The following CNTN5 variants were observed in gnomAD, a reference collection of about 807,000 sequenced individuals.
CNTN5 encodes contactin-5.
Under a neutral mutation model 129.1 loss-of-function variants are expected in CNTN5, and 77 were observed. The observed-to-expected ratio is 0.60, with a 90% CI of 0.50 to 0.72. The LOEUF (loss-of-function observed/expected upper bound fraction) is 0.72, where lower values mean the gene tolerates loss of function less well. CNTN5 is among the 30% of genes least tolerant of loss of function. The probability of loss-of-function intolerance (pLI) is 0.00; values close to 1 mark genes in which losing one functional copy is unlikely to be tolerated. For synonymous variants in CNTN5, 509 were observed against 465.6 expected, an observed-to-expected ratio of 1.09 and a Z score of -1.20; for missense variants, 1,478 against 1,328.8, an observed-to-expected ratio of 1.11 and a Z score of -1.75.
intron 1 of CNTN5, among the ~76,000 whole-genome samples, chr11:99,054,765 G>A (rs1052761000): frequency 1.3e-5 from 2 of 151,828 alleles, no homozygotes; most frequent in African/African-American, 4.8e-5. Context: ...AAGGGGTAGG[G>A]TATTCATAGG....
intron 15 of CNTN5, among the ~76,000 whole-genome samples, chr11:100,198,129 T>C (rs1188846331): frequency 6.6e-6 from 1 of 152,002 alleles, no homozygotes; most frequent in African/African-American, 2.4e-5. Context: ...ACTTCTTATG[T>C]GTTAAGCCTT....
intron 2 of CNTN5, among the ~76,000 whole-genome samples, chr11:99,335,468 A>G (rs1215955364): frequency 6.6e-6 from 1 of 151,972 alleles, no homozygotes; most frequent in Non-Finnish European, 1.5e-5. Context: ...TTAGGCATAC[A>G]ATGAAAATAG....
chr11:99,448,193 T>A (rs1444134549), intron 2 of CNTN5, among the ~76,000 whole-genome samples: 1 of 152,120 alleles, frequency 6.6e-6, no homozygotes. Context: ...AGTCATCCAT[T>A]GTTGGAAAAA....
intron 1 of CNTN5, among the ~76,000 whole-genome samples, chr11:99,217,993 T>C (rs1343165602): frequency 1.3e-5 from 2 of 152,210 alleles, no homozygotes; most frequent in Non-Finnish European, 1.5e-5. Context: ...CCTATTTCTT[T>C]GCTTCCTTTT....
intron 2 of CNTN5, among the ~76,000 whole-genome samples, chr11:99,403,059 T>G (rs558213292): frequency 8.0e-5 from 12 of 149,656 alleles, no homozygotes; most frequent in South Asian, 4.2e-4. Context: ...CAGGCTGGAG[T>G]GCAGTGGCGG....
rs1360005064 is a variant in CNTN5, at chr11:99,773,761, C to T, written c.56-45783C>T. On this transcript the variant is annotated intron_variant, in intron 3 of 24. Coordinates refer to ENST00000524871, the MANE Select transcript of CNTN5 (RefSeq NM_014361.4). Reference sequence around the variant, plus strand: ...TGAGTATGATTTTCCTTGTAAAACTCCTTAACTGATGACCCTGAGTCGACC... The same window carrying T: ...TGAGTATGATTTTCCTTGTAAAACTTCTTAACTGATGACCCTGAGTCGACC... Among the ~76,000 whole-genome samples the T allele has an allele frequency of 3.9e-5, 6 of 152,000 alleles. No individual in the cohort carries two copies. The East Asian group carries it at 1.2e-3, about 29-fold the overall frequency.
chr11:99,315,167 GTAGTTCACTGAGCATAAA>G (rs1865289644), intron 1 of CNTN5, among the ~76,000 whole-genome samples: 1 of 149,378 alleles, frequency 6.7e-6, no homozygotes, highest in South Asian at 2.1e-4. Context: ...GGTCTGGCTA[GTAGTTCACTGAGCATAAA>G]TAGTTCACTG....
intron 1 of CNTN5, among the ~76,000 whole-genome samples, chr11:99,263,950 G>T (rs1285963764): frequency 2.0e-5 from 3 of 152,140 alleles, no homozygotes; most frequent in Middle Eastern, 3.4e-3. Flanking sequence ...TCTTAACTCA[G>T]TTAATCAATA....
chr11:100,079,683 C>G (rs1454815374), intron 13 of CNTN5, among the ~76,000 whole-genome samples: 1 of 151,872 alleles, frequency 6.6e-6, no homozygotes, highest in Non-Finnish European at 1.5e-5. Context: ...TCCAGGTTTT[C>G]CCCCCATCAC....
chr11:100,009,611 T>C (rs1239750477), intron 9 of CNTN5, among the ~76,000 whole-genome samples: 1 of 151,970 alleles, frequency 6.6e-6, no homozygotes, highest in Admixed American at 6.6e-5. Flanking sequence ...AGAATTAGAT[T>C]GGGTGTAATG....
Position 99,405,528 on chromosome 11 carries a change from C to A in CNTN5, c.-71+80044C>A, listed in dbSNP as rs548646027. ...TCTTCAGTATGCCAATTGCATTTTT[C>A]ACCTACAGGATTTCTGCTTGATTTT... On this transcript the variant is annotated intron_variant, in intron 2 of 24. Coordinates refer to ENST00000524871, the MANE Select transcript of CNTN5 (RefSeq NM_014361.4). Among the ~76,000 whole-genome samples the A allele has an allele frequency of 2.6e-5, 4 of 151,972 alleles. No individual in the cohort carries two copies. The East Asian group carries it at 7.8e-4, about 30-fold the overall frequency.
intron 9 of CNTN5, among the ~76,000 whole-genome samples, chr11:100,003,276 A>T (rs1939991112): frequency 6.6e-6 from 1 of 152,166 alleles, no homozygotes; most frequent in African/African-American, 2.4e-5. Flanking sequence ...TGTAAAATGT[A>T]TCTAGGAGGT....
intron 6 of CNTN5, among the ~76,000 whole-genome samples, chr11:99,894,494 T>C (rs1370274179): frequency 9.8e-6 from 1 of 102,176 alleles, no homozygotes; most frequent in African/African-American, 3.6e-5. Context: ...ATTCCCAGTA[T>C]ATTATGACAG....
chr11:99,904,960 A>G (rs1338888763), intron 6 of CNTN5, among the ~76,000 whole-genome samples: 1 of 151,818 alleles, frequency 6.6e-6, no homozygotes, highest in Middle Eastern at 3.2e-3. Flanking sequence ...GTGTCTGTGC[A>G]TATCCTTCAC....
chr11:100,274,883 G>A (rs1305086746), intron 18 of CNTN5, among the ~76,000 whole-genome samples: 1 of 152,190 alleles, frequency 6.6e-6, no homozygotes, highest in Non-Finnish European at 1.5e-5. Context: ...TCCCATTACT[G>A]GGTATGTGCT....
chr11:100,214,675 T>C (rs1949103466), intron 15 of CNTN5, among the ~76,000 whole-genome samples: 1 of 152,164 alleles, frequency 6.6e-6, no homozygotes, highest in African/African-American at 2.4e-5. Context: ...AGTAGTGTCA[T>C]CATGACCCTT....
intron 3 of CNTN5, among the ~76,000 whole-genome samples, chr11:99,608,099 A>AT (rs2135720644): frequency 1.5e-5 from 1 of 65,414 alleles, no homozygotes; most frequent in African/African-American, 5.7e-5. Context: ...TTAGAGTATA[A>AT]TAAAAAAAAA....
rs1351719456 is a variant in CNTN5, at chr11:100,308,469, G to A, written c.2730+1G>A. ...TCTAGGAAGACCACAGGGATTTGAGGTATGAACAGAATGATTGAAAATAAG... is the reference window on the plus strand; with the variant it reads ...TCTAGGAAGACCACAGGGATTTGAGATATGAACAGAATGATTGAAAATAAG... On this transcript the variant is annotated splice_donor_variant, in intron 21 of 24. Transcript: ENST00000524871. LOFTEE classifies it high-confidence loss of function. 4 of 1,609,138 alleles carry A rather than the reference G, an allele frequency of 2.5e-6. No individual in the cohort carries two copies. The highest frequency in any genetic ancestry group is 2.5e-6 in the Non-Finnish European group (3 of 1,177,004).
chr11:99,852,581 A>T (rs1251903945), intron 6 of CNTN5, among the ~76,000 whole-genome samples: 2 of 152,216 alleles, frequency 1.3e-5, no homozygotes, highest in Non-Finnish European at 2.9e-5. Context: ...ATAAATTTGC[A>T]AGTTTTTTTA....
Sources: gnomAD v4.1 joint callset for allele counts (sites outside exome capture counted in the v4.1 genomes callset) on GRCh38, gnomAD v4.1.1 for gene constraint, MANE v1.5 for transcripts, NCBI Gene and HGNC (gene_info 2026-07-23, HGNC 2026-07-21) for gene names.